CNTLN: variants seen among roughly 807,000 people sequenced by gnomAD.
The protein encoded by CNTLN is centlein, centrosomal protein.
CNTLN carries 212 observed loss-of-function variants against 180.0 expected under a neutral mutation model. The observed-to-expected ratio is 1.18, with a 90% CI of 1.05 to 1.32. CNTLN has a LOEUF of 1.32. CNTLN is among the 40% of genes most tolerant of loss of function. The probability of loss-of-function intolerance (pLI) is 0.00; values close to 1 mark genes in which losing one functional copy is unlikely to be tolerated. For missense variants in CNTLN, 2,095 were observed against 1,610.9 expected, an observed-to-expected ratio of 1.30 and a Z score of -5.14; for synonymous variants, 722 against 563.1, an observed-to-expected ratio of 1.28 and a Z score of -3.99.
chr9:17,395,679 C>G (rs1277975887), intron 15 of CNTLN, among the ~76,000 whole-genome samples: 1 of 152,132 alleles, frequency 6.6e-6, no homozygotes, highest in African/African-American at 2.4e-5. Flanking sequence ...AGTTATAGCT[C>G]TAAAGATTCC....
intron 18 of CNTLN, among the ~76,000 whole-genome samples, chr9:17,428,306 A>G (rs1829215871): frequency 6.6e-6 from 1 of 152,184 alleles, no homozygotes; most frequent in African/African-American, 2.4e-5. Flanking sequence ...GATAATAATA[A>G]TAGTGAGAAT....
chr9:17,504,941 A>G (rs1228503059), downstream of CNTLN, among the ~76,000 whole-genome samples: 1 of 152,172 alleles, frequency 6.6e-6, no homozygotes, highest in Non-Finnish European at 1.5e-5. Context: ...TTGTGACTGC[A>G]ACAATAGAAA....
chr9:17,345,617 C>G (rs1028915717), intron 12 of CNTLN, among the ~76,000 whole-genome samples: 5 of 150,604 alleles, frequency 3.3e-5, no homozygotes, highest in African/African-American at 1.2e-4. Context: ...CATTTTATTA[C>G]TTTAAGTGGA....
intron 2 of CNTLN, among the ~76,000 whole-genome samples, chr9:17,215,031 C>T (rs1381784781): frequency 6.6e-6 from 1 of 152,138 alleles, no homozygotes; most frequent in Non-Finnish European, 1.5e-5. Flanking sequence ...GTTTGATTGT[C>T]TGAAGCCTTC....
At chr9:17,452,001 C>T (rs777629447) in intron 18 of CNTLN, among the ~76,000 whole-genome samples, 65 of 152,284 alleles carry the variant, frequency 4.3e-4, no homozygotes, top group Admixed American at 1.8e-3. Context: ...TGGAGCACTG[C>T]TTGTAAACTA....
intron 2 of CNTLN, among the ~76,000 whole-genome samples, chr9:17,160,194 T>G (rs1327335162): frequency 6.6e-6 from 1 of 152,196 alleles, no homozygotes; most frequent in Non-Finnish European, 1.5e-5. Context: ...AATGATATCC[T>G]GAAGTAGTTT....
At chr9:17,410,713 A>T (rs965332293) in intron 16 of CNTLN, among the ~76,000 whole-genome samples, 13 of 152,032 alleles carry the variant, frequency 8.6e-5, no homozygotes, top group African/African-American at 3.1e-4. Flanking sequence ...AATGTCTAGC[A>T]TTGATTTTTT....
At chr9:17,188,011 CATATATAT>C (rs10556334) in intron 2 of CNTLN, among the ~76,000 whole-genome samples, 4,030 of 145,752 alleles carry the variant, frequency 0.028, 134 homozygotes, top group African/African-American at 0.078. Context: ...ATATATACAC[CATATATAT>C]ATATATATAT....
intron 5 of CNTLN, among the ~76,000 whole-genome samples, chr9:17,242,802 A>G (rs1825575807): frequency 6.6e-6 from 1 of 152,114 alleles, no homozygotes; most frequent in Non-Finnish European, 1.5e-5. Flanking sequence ...ATTGGCCTGT[A>G]GTTTCCTTTT....
intron 2 of CNTLN, among the ~76,000 whole-genome samples, chr9:17,197,095 T>G (rs1413634361): frequency 2.0e-5 from 3 of 152,168 alleles, no homozygotes; most frequent in African/African-American, 7.2e-5. Flanking sequence ...GCAAATTACT[T>G]ACACTCACGG....
At chr9:17,189,448 G>A (rs1821654561) in intron 2 of CNTLN, among the ~76,000 whole-genome samples, 1 of 150,404 alleles carries the variant, frequency 6.6e-6, no homozygotes, top group Admixed American at 6.6e-5. Flanking sequence ...TCTAATCTAG[G>A]GTGAATTTAA....
intron 2 of CNTLN, among the ~76,000 whole-genome samples, chr9:17,185,547 T>C (rs1049190886): frequency 6.6e-6 from 1 of 152,216 alleles, no homozygotes; most frequent in African/African-American, 2.4e-5. Flanking sequence ...TACTTTTTTT[T>C]CTTCTAGTTT....
intron 23 of CNTLN, among the ~76,000 whole-genome samples, chr9:17,468,689 A>G (rs1831888751): frequency 6.6e-6 from 1 of 151,744 alleles, no homozygotes. Context: ...TCTGATTATC[A>G]TATACTTGAA....
At chr9:17,348,855 A>T (rs1344233264) in intron 12 of CNTLN, among the ~76,000 whole-genome samples, 1 of 152,074 alleles carries the variant, frequency 6.6e-6, no homozygotes. Context: ...TTGACGGAGC[A>T]TGGCTGCTTT....
At chr9:17,389,656 G>C (rs115512575) in intron 14 of CNTLN, among the ~76,000 whole-genome samples, 1 of 151,920 alleles carries the variant, frequency 6.6e-6, no homozygotes, top group Admixed American at 6.6e-5. Flanking sequence ...ATTTTAAAAG[G>C]TTATATATGA....
intron 13 of CNTLN, among the ~76,000 whole-genome samples, chr9:17,372,767 A>G (rs1358195659): frequency 6.6e-6 from 1 of 152,188 alleles, no homozygotes; most frequent in Non-Finnish European, 1.5e-5. Flanking sequence ...ACACATTAAA[A>G]AATTAGTCAT....
chr9:17,174,489 A>C lies in CNTLN; in HGVS notation c.449+31113A>C, dbSNP rs189658970. Among the ~76,000 whole-genome samples the C allele has an allele frequency of 2.6e-5, 4 of 152,236 alleles. No homozygotes were observed. In the East Asian group the frequency reaches 7.7e-4, roughly 29 times the overall value. The stretch of plus-strand genomic sequence containing the variant: ...GGTGGGTGGATCACCTGAAGTCAGG[A>C]GTTTGAAACCAGCCTGGCCAATATG... On this transcript the variant is annotated intron_variant, in intron 2 of 25. Transcript: ENST00000380647.
intron 5 of CNTLN, among the ~76,000 whole-genome samples, chr9:17,237,370 C>T (rs1825213347): frequency 7.6e-6 from 1 of 130,912 alleles, no homozygotes. Flanking sequence ...CACACACACA[C>T]ACACACACAC....
At chr9:17,437,021 T>C (rs1829817886) in intron 18 of CNTLN, among the ~76,000 whole-genome samples, 1 of 152,208 alleles carries the variant, frequency 6.6e-6, no homozygotes, top group African/African-American at 2.4e-5. Context: ...TGAAACACAG[T>C]GCGGTTATTG....
Sources: allele counts gnomAD v4.1 joint callset (sites outside exome capture counted in the v4.1 genomes callset), GRCh38; gene constraint gnomAD v4.1.1; transcripts MANE v1.5; gene names NCBI Gene and HGNC (gene_info 2026-07-23, HGNC 2026-07-21).